The following DOCK1 variants were observed in gnomAD, a reference collection of about 807,000 sequenced individuals.
DOCK1 encodes the protein dedicator of cytokinesis 1, also known as dedicator of cytokinesis protein 1.
A neutral mutation model predicts 262.7 loss-of-function variants in DOCK1; 138 were observed. The observed-to-expected ratio is 0.53, with a 90% CI of 0.46 to 0.61. The LOEUF (loss-of-function observed/expected upper bound fraction) is 0.61. Among genes scored for constraint, DOCK1 ranks in the 20% least tolerant of loss-of-function variants. DOCK1 has a pLI of 0.00. For missense variants in DOCK1, 1,908 were observed against 2,370.7 expected (o/e 0.80, Z 4.05); for synonymous variants, 866 against 867.4 (o/e 1.00, Z 0.03).
rs563064204 is a variant in DOCK1, at chr10:127,446,134, C to T, written c.5414-1260C>T. On this transcript the variant is annotated intron_variant, in intron 50 of 51. Transcript: ENST00000623213. The surrounding 1 kb of genome is among the most constrained non-coding windows in gnomAD (Gnocchi z 4.4). ...GTGTGGTGGTGCGTGCCTATAATCT[C>T]AGCTACTCAGAAGGCTGAGGCAGGA... Among the ~76,000 whole-genome samples the T allele has an allele frequency of 6.6e-6, 1 of 152,178 alleles. No homozygotes were observed. Among genetic ancestry groups the T allele is most frequent in the East Asian group, 1.9e-4 (1 of 5,160 alleles).
intron 21 of DOCK1, among the ~76,000 whole-genome samples, chr10:127,052,243 C>G (rs2044772249): frequency 6.6e-6 from 1 of 152,204 alleles, no homozygotes; most frequent in South Asian, 2.1e-4. Context: ...AAACGTTTTA[C>G]AGGCCGTGCA....
chr10:127,012,192 C>T lies in DOCK1; in HGVS notation c.1059-40C>T. 1 of 1,103,742 alleles carries T rather than the reference C, an allele frequency of 9.1e-7. No homozygotes were observed. Among genetic ancestry groups the T allele is most frequent in the South Asian group, 1.3e-5 (1 of 79,568 alleles). The allele number at this position is 1,103,742 out of a possible 1,614,324, so 68.4% of individuals were successfully genotyped here. ...ACCGTGGCCCATGGGTCTCTGTGCC[C>T]CTTTGTCTCCTGTGGTCTTGGTCGT... On this transcript the variant is annotated intron_variant, in intron 11 of 51. Coordinates refer to ENST00000623213, the MANE Select transcript of DOCK1 (RefSeq NM_001290223.2). The surrounding 1 kb of genome is among the most constrained non-coding windows in gnomAD (Gnocchi z 4.0).
chr10:127,440,801 C>T (rs1009694433), intron 49 of DOCK1, among the ~76,000 whole-genome samples: 6 of 152,100 alleles, frequency 3.9e-5, no homozygotes, highest in Non-Finnish European at 5.9e-5. Context: ...TGAGGGTGGC[C>T]GAGGATGTCA....
At chr10:127,024,832 T>C (rs1364046472) in intron 15 of DOCK1, 49 bp downstream of exon 15, 1 of 1,478,578 alleles carries the variant, frequency 6.8e-7, no homozygotes. Flanking sequence ...TATGAAATGC[T>C]CATTTGTAAC....
At chr10:127,331,755 T>C (rs1238825626) in intron 29 of DOCK1, among the ~76,000 whole-genome samples, 1 of 152,160 alleles carries the variant, frequency 6.6e-6, no homozygotes, top group Non-Finnish European at 1.5e-5. Context: ...TTTTTCACAG[T>C]TGCGAAAAGG....
intron 1 of DOCK1, among the ~76,000 whole-genome samples, chr10:126,964,186 G>T (rs2037490162): frequency 1.3e-5 from 2 of 152,286 alleles, no homozygotes; most frequent in East Asian, 1.9e-4. Flanking sequence ...AAGTTGAAAG[G>T]GTGTGTATAA....
Position 127,357,994 on chromosome 10 carries a change from GTTT to G in DOCK1, c.3283+3278_3283+3280del, listed in dbSNP as rs5788837. Among the ~76,000 whole-genome samples the G allele has an allele frequency of 7.4e-3, 1,089 of 147,788 alleles. 10 individuals carry two copies. The highest frequency in any genetic ancestry group is 0.026 in the African/African-American group (1,040 of 40,606). ...ATGTATACAACCTACTTTCTACATA[GTTT>G]TTTTTTTTTTATTTTAATTTTACTT... is the stretch of plus-strand genomic sequence containing the variant. On this transcript the variant is annotated intron_variant, in intron 32 of 51. Transcript: ENST00000623213.
chr10:127,052,940 T>G, intron 22 of DOCK1, 125 bp downstream of exon 22: 1 of 1,431,514 alleles, frequency 7.0e-7, no homozygotes, highest in African/African-American at 1.4e-5. Flanking sequence ...TCCCCCTTGC[T>G]TTCTAGGCTG....
At chr10:127,079,538 A>G (rs1308790756) in intron 23 of DOCK1, among the ~76,000 whole-genome samples, 1 of 152,090 alleles carries the variant, frequency 6.6e-6, no homozygotes, top group East Asian at 1.9e-4. Flanking sequence ...TAATAAAAAA[A>G]TCTGTTGAGT....
Position 127,434,686 on chromosome 10 carries a change from C to T in DOCK1, c.5060+1258C>T, listed in dbSNP as rs184893592. ...TTTTTTTTTTTGAGACGGAGTCTCC[C>T]TCTGTCGCCCAGGCTGAGTGCAGTG... On this transcript the variant is annotated intron_variant, in intron 48 of 51. Transcript: ENST00000623213. 1.7e-3 allele frequency among the ~76,000 whole-genome samples: 258 copies of T among 151,460 alleles called. 3 individuals carry two copies. The highest frequency in any genetic ancestry group is 3.8e-3 in the Admixed American group (58 of 15,232).
intron 1 of DOCK1, among the ~76,000 whole-genome samples, chr10:126,925,573 G>A (rs565460185): frequency 5.0e-4 from 76 of 152,134 alleles, no homozygotes; most frequent in African/African-American, 1.7e-3. Context: ...TAATAGAGAC[G>A]GGATTTCACC....
chr10:126,924,331 G>A (rs1027754574), intron 1 of DOCK1, among the ~76,000 whole-genome samples: 3 of 130,574 alleles, frequency 2.3e-5, no homozygotes, highest in African/African-American at 8.9e-5. Context: ...ACTCAGTAGG[G>A]GGAGGCTGTG....
At chr10:126,964,005 C>T (rs1157355450) in intron 1 of DOCK1, among the ~76,000 whole-genome samples, 1 of 152,114 alleles carries the variant, frequency 6.6e-6, no homozygotes, top group Non-Finnish European at 1.5e-5. Flanking sequence ...CAAGTGGGTG[C>T]CATCTAAAGC....
chr10:126,949,394 C>T (rs953348737), intron 1 of DOCK1, among the ~76,000 whole-genome samples: 2 of 152,116 alleles, frequency 1.3e-5, no homozygotes, highest in Non-Finnish European at 2.9e-5. Context: ...CCACGTGTCC[C>T]TTCAGCCCTG....
intron 1 of DOCK1, among the ~76,000 whole-genome samples, chr10:126,938,838 A>T (rs1302277495): frequency 8.2e-6 from 1 of 122,098 alleles, no homozygotes; most frequent in Non-Finnish European, 1.7e-5. Context: ...CGAACACAGG[A>T]GGGGATGAAC....
In DOCK1 at chr10:127,019,358, G is replaced by T. The variant is rs151043571; in HGVS notation, c.1327+523G>T. Among the ~76,000 whole-genome samples the T allele has an allele frequency of 6.6e-5, 10 of 152,232 alleles. No homozygotes were observed. In the South Asian group the frequency reaches 2.1e-3, roughly 32 times the overall value. On this transcript the variant is annotated intron_variant, in intron 13 of 51. Transcript: ENST00000623213. ...TAATACTTTTCATTTTCCAAATAAC[G>T]TTCCTAATAATCTGATTTGATCATC...
intron 23 of DOCK1, among the ~76,000 whole-genome samples, chr10:127,083,304 C>A (rs1591955213): frequency 1.3e-5 from 2 of 152,100 alleles, no homozygotes; most frequent in South Asian, 4.1e-4. Flanking sequence ...TGTAAAATAC[C>A]TGGTGCCCTC....
At chr10:127,259,444 C>G (rs1256800361) in intron 29 of DOCK1, among the ~76,000 whole-genome samples, 2 of 152,174 alleles carry the variant, frequency 1.3e-5, no homozygotes, top group African/African-American at 4.8e-5. Flanking sequence ...GCAAACACAT[C>G]AGCAACAATA....
At chr10:127,099,840 G>A (rs954268246) in intron 23 of DOCK1, among the ~76,000 whole-genome samples, 1 of 152,172 alleles carries the variant, frequency 6.6e-6, no homozygotes, top group African/African-American at 2.4e-5. Flanking sequence ...TGTCCTGGAC[G>A]AAATGATGTC....
Sources: allele counts gnomAD v4.1 joint callset (sites outside exome capture counted in the v4.1 genomes callset), GRCh38; gene constraint gnomAD v4.1.1; non-coding constraint Gnocchi (gnomAD v3.1); transcripts MANE v1.5; gene names NCBI Gene and HGNC (gene_info 2026-07-23, HGNC 2026-07-21).